Variants in SPMIP4 observed in about 807,000 individuals in gnomAD.
SPMIP4 encodes the protein sperm-associated microtubule inner protein 4.
chr7:25,129,875 G>A, the SPMIP4 span, among the ~76,000 whole-genome samples: 5 of 152,006 alleles, frequency 3.3e-5, no homozygotes, highest in African/African-American at 1.2e-4. Flanking sequence ...CAGAGGGCCA[G>A]CCAAGCAGAA....
At chr7:25,142,410 T>TA in the SPMIP4 span, 3 of 1,080,632 alleles carry the variant, frequency 2.8e-6, no homozygotes, top group South Asian at 4.6e-5. Flanking sequence ...TAGGAAAACT[T>TA]ACCCATTCCT....
At chr7:25,171,978 T>G in the SPMIP4 span, among the ~76,000 whole-genome samples, 2 of 152,114 alleles carry the variant, frequency 1.3e-5, no homozygotes, top group Admixed American at 6.6e-5. Context: ...ATCCTTTCAG[T>G]AGGAAGGATT....
the SPMIP4 span, among the ~76,000 whole-genome samples, chr7:25,172,016 A>C: frequency 6.6e-6 from 1 of 152,208 alleles, no homozygotes; most frequent in Non-Finnish European, 1.5e-5. This position sits in a 1 kb window ranked among gnomAD's most constrained non-coding sequence, Gnocchi z 4.2. Context: ...GATGTGTTCT[A>C]AAGGATGAGT....
the SPMIP4 span, among the ~76,000 whole-genome samples, chr7:25,165,205 G>A: frequency 6.6e-6 from 1 of 152,088 alleles, no homozygotes. Context: ...CCTATTTTCT[G>A]CCTTGATGTG....
the SPMIP4 span, among the ~76,000 whole-genome samples, chr7:25,132,911 T>C: frequency 6.6e-6 from 1 of 152,230 alleles, no homozygotes; most frequent in South Asian, 2.1e-4. This position sits in a 1 kb window ranked among gnomAD's most constrained non-coding sequence, Gnocchi z 5.0. Flanking sequence ...AGAATGTTCA[T>C]ATTTTAAAGG....
chr7:25,148,477 CTTTTT>C, the SPMIP4 span, among the ~76,000 whole-genome samples: 16 of 128,168 alleles, frequency 1.2e-4, no homozygotes, highest in Admixed American at 2.3e-4. Flanking sequence ...GAATCTGCCT[CTTTTT>C]TTTTTTTTTT....
At chr7:25,132,515 T>TA in the SPMIP4 span, among the ~76,000 whole-genome samples, 1 of 152,214 alleles carries the variant, frequency 6.6e-6, no homozygotes, top group Non-Finnish European at 1.5e-5. The surrounding 1 kb of genome is among the most constrained non-coding windows in gnomAD (Gnocchi z 5.0). Flanking sequence ...ATACATTTTG[T>TA]AAATGTCTTT....
chr7:25,175,171 C>T, the SPMIP4 span, among the ~76,000 whole-genome samples: 428 of 152,236 alleles, frequency 2.8e-3, no homozygotes, highest in African/African-American at 9.7e-3. Context: ...TTCTAGAAAG[C>T]TCCTCAGGTG....
the SPMIP4 span, chr7:25,125,813 G>T: frequency 1.5e-6 from 1 of 647,502 alleles, no homozygotes; most frequent in Non-Finnish European, 1.9e-6. Flanking sequence ...TAGAGGGACA[G>T]CCTGGAACCA....
the SPMIP4 span, among the ~76,000 whole-genome samples, chr7:25,132,921 G>C: frequency 1.5e-4 from 23 of 152,108 alleles, no homozygotes; most frequent in Admixed American, 3.9e-4. The surrounding 1 kb of genome is among the most constrained non-coding windows in gnomAD (Gnocchi z 5.0). Context: ...TATTTTAAAG[G>C]CTCTTTCAAA....
the SPMIP4 span, among the ~76,000 whole-genome samples, chr7:25,151,131 G>A: frequency 6.6e-6 from 1 of 151,966 alleles, no homozygotes; most frequent in Non-Finnish European, 1.5e-5. Flanking sequence ...ACTACCAACA[G>A]CACATGAAAT....
At chr7:25,158,950 T>C in the SPMIP4 span, among the ~76,000 whole-genome samples, 1 of 152,250 alleles carries the variant, frequency 6.6e-6, no homozygotes, top group Admixed American at 6.5e-5. Flanking sequence ...TTCCTGAATA[T>C]TGACAAGACA....
the SPMIP4 span, among the ~76,000 whole-genome samples, chr7:25,156,361 G>T: frequency 9.2e-4 from 140 of 152,190 alleles, no homozygotes; most frequent in African/African-American, 3.1e-3. Context: ...CAGGCTACAA[G>T]CAGAAAGGTG....
At chr7:25,136,789 T>C in the SPMIP4 span, 1 of 1,607,722 alleles carries the variant, frequency 6.2e-7, no homozygotes, top group Non-Finnish European at 8.5e-7. This position sits in a 1 kb window ranked among gnomAD's most constrained non-coding sequence, Gnocchi z 5.7. Context: ...GTGGAATTTT[T>C]CTTGCTGTAG....
At chr7:25,153,805 A>T in the SPMIP4 span, among the ~76,000 whole-genome samples, 1 of 152,162 alleles carries the variant, frequency 6.6e-6, no homozygotes, top group Non-Finnish European at 1.5e-5. Flanking sequence ...TCTGCTATAG[A>T]GCTAAGCATG....
At chr7:25,172,442 T>C in the SPMIP4 span, among the ~76,000 whole-genome samples, 7 of 152,140 alleles carry the variant, frequency 4.6e-5, no homozygotes, top group Admixed American at 1.3e-4. The surrounding 1 kb of genome is among the most constrained non-coding windows in gnomAD (Gnocchi z 4.2). Flanking sequence ...CTTTTAAGAA[T>C]GTGGAAGTTA....
At chr7:25,147,999 G>A in the SPMIP4 span, among the ~76,000 whole-genome samples, 11 of 152,132 alleles carry the variant, frequency 7.2e-5, no homozygotes, top group Non-Finnish European at 1.0e-4. Context: ...TACGGTTCCC[G>A]GAGTTTTCTG....
chr7:25,132,603 C>G, the SPMIP4 span, among the ~76,000 whole-genome samples: 1 of 152,108 alleles, frequency 6.6e-6, no homozygotes, highest in African/African-American at 2.4e-5. The surrounding 1 kb of genome is among the most constrained non-coding windows in gnomAD (Gnocchi z 5.0). Flanking sequence ...TGTTTGTGCA[C>G]TGTTTCAGGG....
the SPMIP4 span, among the ~76,000 whole-genome samples, chr7:25,172,722 CA>C: frequency 1.3e-5 from 2 of 152,122 alleles, no homozygotes. This position sits in a 1 kb window ranked among gnomAD's most constrained non-coding sequence, Gnocchi z 4.2. Context: ...AGGAATTCCA[CA>C]AGGCATGGAG....
Sources: allele counts gnomAD v4.1 joint callset (sites outside exome capture counted in the v4.1 genomes callset), GRCh38; gene constraint gnomAD v4.1.1; non-coding constraint Gnocchi (gnomAD v3.1); transcripts MANE v1.5; gene names NCBI Gene and HGNC (gene_info 2026-07-23, HGNC 2026-07-21).